GON4L: variants seen among roughly 807,000 people sequenced by gnomAD.
The protein encoded by GON4L is GON-4-like protein.
Under a neutral mutation model 211.8 loss-of-function variants are expected in GON4L, and 87 were observed. The observed-to-expected ratio is 0.41, with a 90% CI of 0.35 to 0.49. The LOEUF is 0.49. Among genes scored for constraint, GON4L ranks in the 20% least tolerant of loss-of-function variants. The pLI, the probability that GON4L is intolerant of heterozygous loss-of-function variation, is 0.15. For synonymous variants in GON4L, 875 were observed against 962.6 expected, an observed-to-expected ratio of 0.91 and a Z score of 1.68; for missense variants, 2,155 against 2,659.5, an observed-to-expected ratio of 0.81 and a Z score of 4.17.
chr1:155,809,078 A>G (rs1389228712), intron 10 of GON4L, among the ~76,000 whole-genome samples: 1 of 151,908 alleles, frequency 6.6e-6, no homozygotes, highest in Admixed American at 6.6e-5. Flanking sequence ...ACACCTATAT[A>G]ATTTTTCTGA....
intron 2 of GON4L, among the ~76,000 whole-genome samples, chr1:155,829,690 A>G (rs1053517481): frequency 1.2e-4 from 19 of 152,218 alleles, no homozygotes; most frequent in African/African-American, 3.9e-4. Context: ...CTGGCAGTAC[A>G]TAAGTTACAG....
intron 12 of GON4L, among the ~76,000 whole-genome samples, chr1:155,788,773 AAACTGGCAAACAT>A (rs1665208403): frequency 1.3e-5 from 2 of 152,162 alleles, no homozygotes; most frequent in Admixed American, 1.3e-4. Context: ...TGAGGTTCTA[AAACTGGCAAACAT>A]AACCTGTGAT....
intron 2 of GON4L, among the ~76,000 whole-genome samples, chr1:155,833,437 CAGG>C (rs1669979294): frequency 6.6e-6 from 1 of 151,700 alleles, no homozygotes. Flanking sequence ...ATCACAAGGT[CAGG>C]AGATCAAGAC....
At chr1:155,773,293 T>C in intron 17 of GON4L, 83 bp from the exon 18 acceptor site, 1 of 1,506,362 alleles carries the variant, frequency 6.6e-7, no homozygotes, top group Non-Finnish European at 9.2e-7. Context: ...TTTTTGCATT[T>C]AGGTAGGAGC....
chr1:155,763,677 G>A, intron 21 of GON4L, 113 bp from the exon 22 acceptor site: 2 of 913,268 alleles, frequency 2.2e-6, no homozygotes, highest in Non-Finnish European at 3.2e-6. Context: ...GCCCACTACA[G>A]CTGTCCTGAG....
intron 2 of GON4L, among the ~76,000 whole-genome samples, chr1:155,829,440 T>A (rs933544187): frequency 6.6e-6 from 1 of 152,052 alleles, no homozygotes; most frequent in Non-Finnish European, 1.5e-5. Flanking sequence ...ACCTCGTCTC[T>A]ACTAAAATAC....
chr1:155,769,485 A>G (rs1314448088), intron 19 of GON4L, among the ~76,000 whole-genome samples: 1 of 152,134 alleles, frequency 6.6e-6, no homozygotes, highest in Non-Finnish European at 1.5e-5. Context: ...ACACGCTTAG[A>G]GTGGAATAGT....
intron 7 of GON4L, 103 bp from the exon 8 acceptor site, chr1:155,816,003 A>T: frequency 2.6e-6 from 2 of 775,982 alleles, no homozygotes; most frequent in East Asian, 5.2e-5. Context: ...AAAAATCCTA[A>T]GAGCATAATG....
At chr1:155,822,848 T>C (rs1029423702) in intron 3 of GON4L, among the ~76,000 whole-genome samples, 2 of 152,182 alleles carry the variant, frequency 1.3e-5, no homozygotes, top group Non-Finnish European at 2.9e-5. Flanking sequence ...CAGGCTGGAG[T>C]GCAATGGTGC....
At chr1:155,854,459 T>C (rs546277483) in intron 1 of GON4L, among the ~76,000 whole-genome samples, 39 of 151,810 alleles carry the variant, frequency 2.6e-4, no homozygotes, top group Admixed American at 2.1e-3. Flanking sequence ...CCAGCAAACA[T>C]TGTTATTATT....
intron 6 of GON4L, among the ~76,000 whole-genome samples, chr1:155,819,383 A>G (rs1282051940): frequency 6.6e-6 from 1 of 152,200 alleles, no homozygotes; most frequent in Non-Finnish European, 1.5e-5. Context: ...CTTCAACTGT[A>G]GGAAAAGTAA....
chr1:155,831,164 T>C (rs984461454), intron 2 of GON4L, among the ~76,000 whole-genome samples: 1 of 152,078 alleles, frequency 6.6e-6, no homozygotes, highest in African/African-American at 2.4e-5. Context: ...CCAGGCATGG[T>C]GGTGCACACC....
chr1:155,799,950 C>T (rs939847241), intron 11 of GON4L, among the ~76,000 whole-genome samples: 5 of 152,324 alleles, frequency 3.3e-5, no homozygotes, highest in Middle Eastern at 6.8e-3. Flanking sequence ...CCTGTAGTCC[C>T]AGAACTTTGG....
chr1:155,787,474 A>T (rs1174820695), intron 12 of GON4L, among the ~76,000 whole-genome samples: 1 of 152,156 alleles, frequency 6.6e-6, no homozygotes, highest in Non-Finnish European at 1.5e-5. Flanking sequence ...AGAGGACATT[A>T]AAAAAATTAA....
At chr1:155,782,280 G>A (rs1326139514) in intron 14 of GON4L, among the ~76,000 whole-genome samples, 2 of 152,174 alleles carry the variant, frequency 1.3e-5, no homozygotes, top group Non-Finnish European at 2.9e-5. Context: ...AGCTGCCCAA[G>A]TACAGTCATG....
In GON4L at chr1:155,753,359, C is replaced by T; in HGVS notation, c.5687G>A (p.Ser1896Asn). Residue 1896 changes from serine to asparagine, a missense_variant, in exon 29 of 32, where the codon AGC becomes AAC. Coordinates refer to ENST00000368331, the MANE Select transcript of GON4L (RefSeq NM_001282860.2). The part of the protein sequence containing the change: ...SKEPHELVGS[S>N]PHREASPMPG... Reference sequence around the variant, plus strand: ...CATAGGACTAGCCTCTCGGTGGGGGCTGCTGCCCACCAACTCATGGGGCTC... The same window carrying T: ...CATAGGACTAGCCTCTCGGTGGGGGTTGCTGCCCACCAACTCATGGGGCTC... 6.2e-7 allele frequency: 1 copy of T among 1,613,634 alleles called. No homozygotes were observed. The highest frequency in any genetic ancestry group is 8.5e-7 in the Non-Finnish European group (1 of 1,179,712).
Position 155,832,092 on chromosome 1 carries a change from T to C in GON4L, c.506-5064A>G, listed in dbSNP as rs145523199. On this transcript the variant is annotated intron_variant, in intron 2 of 31. Transcript: ENST00000368331. ...GAGTTCAAGACCAGCCTGGCCAACA[T>C]GGCGAAACCCTATCTCTACTAAAAA... Among the ~76,000 whole-genome samples, 1,234 of 151,404 alleles carry C rather than the reference T, an allele frequency of 8.2e-3. 17 individuals are homozygous for C. The highest frequency in any genetic ancestry group is 0.028 in the African/African-American group (1,174 of 41,266).
At chr1:155,793,200 C>T (rs753603359) in intron 12 of GON4L, among the ~76,000 whole-genome samples, 3 of 152,188 alleles carry the variant, frequency 2.0e-5, no homozygotes, top group Non-Finnish European at 4.4e-5. Context: ...TTCTCTAATT[C>T]CTGGTGCTTT....
chr1:155,818,356 G>A (rs1571851133), intron 6 of GON4L, among the ~76,000 whole-genome samples: 1 of 151,954 alleles, frequency 6.6e-6, no homozygotes, highest in East Asian at 1.9e-4. Context: ...AGGTGATCCA[G>A]CTGCCTCGGC....
Sources: allele counts gnomAD v4.1 joint callset (sites outside exome capture counted in the v4.1 genomes callset), GRCh38; gene constraint gnomAD v4.1.1; transcripts MANE v1.5; gene names NCBI Gene and HGNC (gene_info 2026-07-23, HGNC 2026-07-21).